Variants in EIF2B3 observed in about 807,000 individuals in gnomAD.
The protein encoded by EIF2B3 is translation initiation factor eIF2B subunit gamma.
A neutral mutation model predicts 54.1 loss-of-function variants in EIF2B3; 20 were observed. The ratio of observed to expected loss-of-function variants is 0.37; its 90% CI spans 0.26 to 0.54. The LOEUF (loss-of-function observed/expected upper bound fraction) is 0.54, where lower values mean the gene tolerates loss of function less well. Ranked by LOEUF, EIF2B3 falls within the 20% of genes least tolerant of loss-of-function variation. EIF2B3 has a pLI of 0.86. For missense variants in EIF2B3, 448 were observed against 547.8 expected, an observed-to-expected ratio of 0.82 and a Z score of 1.82; for synonymous variants, 153 against 188.1, an observed-to-expected ratio of 0.81 and a Z score of 1.52.
At chr1:44,977,890 A>G (rs947052825) in intron 3 of EIF2B3, among the ~76,000 whole-genome samples, 7 of 152,266 alleles carry the variant, frequency 4.6e-5, no homozygotes, top group Non-Finnish European at 1.5e-5. Flanking sequence ...TGAAGAGTAC[A>G]TGGGTAACAA....
At chr1:44,967,388 G>A (rs556982336) in intron 3 of EIF2B3, among the ~76,000 whole-genome samples, 16 of 147,206 alleles carry the variant, frequency 1.1e-4, no homozygotes, top group Admixed American at 6.1e-4. Context: ...CAGAGGTTGC[G>A]AAAAGCCGAG....
intron 3 of EIF2B3, chr1:44,959,295 T>C: frequency 1.5e-6 from 1 of 655,622 alleles, no homozygotes; most frequent in South Asian, 1.5e-5. Flanking sequence ...CCACAGCACC[T>C]GAAACCAGCA....
chr1:44,880,969 A>T lies in EIF2B3; in HGVS notation c.784+643T>A, dbSNP rs75688910. Among the ~76,000 whole-genome samples the T allele has an allele frequency of 4.9e-3, 717 of 144,952 alleles. 2 individuals are homozygous for T. The highest frequency in any genetic ancestry group is 7.6e-3 in the East Asian group (38 of 5,026). On this transcript the variant is annotated intron_variant, in intron 7 of 11. Coordinates refer to ENST00000360403, the MANE Select transcript of EIF2B3 (RefSeq NM_020365.5). ...GAGGGAGACTCCGTCTCAAAAAAAT[A>T]AAAAAAAAAAAAGACACAATGCTAG...
At chr1:44,943,368 C>CTATTTATATCTA (rs200196330) in intron 3 of EIF2B3, among the ~76,000 whole-genome samples, 2 of 144,454 alleles carry the variant, frequency 1.4e-5, no homozygotes, top group Non-Finnish European at 3.0e-5. Context: ...GCAGGAAGAA[C>CTATTTATATCTA]TATCTATATC....
intron 4 of EIF2B3, among the ~76,000 whole-genome samples, chr1:44,935,670 T>G (rs1274462863): frequency 6.6e-6 from 1 of 152,184 alleles, no homozygotes; most frequent in Non-Finnish European, 1.5e-5. Flanking sequence ...CAGCTAATTT[T>G]TTTGTATTTT....
At chr1:44,918,193 C>G (rs186559295) in intron 5 of EIF2B3, among the ~76,000 whole-genome samples, 1 of 151,138 alleles carries the variant, frequency 6.6e-6, no homozygotes, top group African/African-American at 2.4e-5. Flanking sequence ...AAGCGATTCT[C>G]CTGCCTCAGC....
At chr1:44,935,504 C>A (rs901531929) in intron 4 of EIF2B3, among the ~76,000 whole-genome samples, 4 of 151,918 alleles carry the variant, frequency 2.6e-5, no homozygotes, top group African/African-American at 9.7e-5. Context: ...TTTATAAATT[C>A]TTTTTTTATT....
At chr1:44,925,452 T>C (rs2148931574) in intron 5 of EIF2B3, among the ~76,000 whole-genome samples, 1 of 152,312 alleles carries the variant, frequency 6.6e-6, no homozygotes, top group Non-Finnish European at 1.5e-5. Context: ...CAATATTGTA[T>C]GATTTCACTT....
At chr1:44,870,082 G>A (rs1054398238) in intron 10 of EIF2B3, among the ~76,000 whole-genome samples, 1 of 151,758 alleles carries the variant, frequency 6.6e-6, no homozygotes, top group Non-Finnish European at 1.5e-5. Flanking sequence ...TGAGGTGAGC[G>A]GATCACCTAA....
chr1:44,877,764 A>G (rs1026289728), intron 8 of EIF2B3, among the ~76,000 whole-genome samples: 1 of 152,134 alleles, frequency 6.6e-6, no homozygotes, highest in East Asian at 1.9e-4. Context: ...GCGCCTGTCT[A>G]TGATTCTCCA....
intron 10 of EIF2B3, among the ~76,000 whole-genome samples, chr1:44,869,321 C>T (rs910616112): frequency 6.6e-6 from 1 of 151,676 alleles, no homozygotes; most frequent in African/African-American, 2.4e-5. Flanking sequence ...CTACTAAAAA[C>T]ACAAAAACTA....
At chr1:44,889,307 G>A (rs777157147) in intron 6 of EIF2B3, among the ~76,000 whole-genome samples, 20 of 152,244 alleles carry the variant, frequency 1.3e-4, no homozygotes, top group East Asian at 1.9e-4. Flanking sequence ...AGGCTGAAGC[G>A]GGTGGATCAC....
chr1:44,973,471 G>A (rs1331200937), intron 3 of EIF2B3, among the ~76,000 whole-genome samples: 1 of 151,942 alleles, frequency 6.6e-6, no homozygotes, highest in Non-Finnish European at 1.5e-5. Flanking sequence ...GCCAAGGTGG[G>A]CAGATCACTT....
Position 44,958,773 on chromosome 1 carries a change from A to C in EIF2B3, c.295-17108T>G, listed in dbSNP as rs142345360. The stretch of plus-strand genomic sequence containing the variant: ...AGAACTCAATCCATCAGAGAAATAT[A>C]AAGCTATGGTATTGGCAGGACTGCG... On this transcript the variant is annotated intron_variant, in intron 3 of 11. Transcript: ENST00000360403. 7.1e-4 allele frequency: 1,063 copies of C among 1,493,576 alleles called. 9 individuals carry two copies. The African/African-American group carries it at 0.013, about 18-fold the overall frequency. 92.5% of individuals were successfully genotyped at this position (1,493,576 alleles called of 1,614,324 possible). A position where few individuals can be genotyped will look rare whatever the true frequency, so the allele number is the denominator to read the frequency against.
intron 5 of EIF2B3, among the ~76,000 whole-genome samples, chr1:44,900,444 T>TA (rs1643261151): frequency 2.4e-5 from 1 of 41,972 alleles, no homozygotes. Flanking sequence ...GAGAATCATC[T>TA]CAAAAAAAAA....
chr1:44,957,559 G>A (rs1016169075), intron 3 of EIF2B3, among the ~76,000 whole-genome samples: 2 of 151,974 alleles, frequency 1.3e-5, no homozygotes, highest in African/African-American at 4.8e-5. Context: ...TCAGGAGTTC[G>A]AGACCAGCCT....
At chr1:44,868,164 C>T (rs1414345652) in intron 10 of EIF2B3, among the ~76,000 whole-genome samples, 11 of 151,904 alleles carry the variant, frequency 7.2e-5, no homozygotes, top group African/African-American at 2.2e-4. Flanking sequence ...TTTGGGAGGC[C>T]GAGGCGAGCG....
chr1:44,884,905 G>C (rs1259081776), intron 6 of EIF2B3, among the ~76,000 whole-genome samples: 1 of 152,202 alleles, frequency 6.6e-6, no homozygotes, highest in Non-Finnish European at 1.5e-5. Flanking sequence ...AGCCCTGCCA[G>C]GTCCCACCCA....
Position 44,881,863 on chromosome 1 carries a change from G to A in EIF2B3, c.657-124C>T. The A allele has an allele frequency of 3.8e-6, 5 of 1,322,460 alleles. No homozygotes were observed. Among genetic ancestry groups the A allele is most frequent in the Non-Finnish European group, 5.3e-6 (5 of 945,062 alleles). The allele number at this position is 1,322,460 out of a possible 1,614,324, so 81.9% of individuals were successfully genotyped here. Reference sequence around the variant, plus strand: ...GTCATGGCACCTTGGGACTGTCAGAGATCAAATGTGGCATTGACTTGGCAG... The same window carrying A: ...GTCATGGCACCTTGGGACTGTCAGAAATCAAATGTGGCATTGACTTGGCAG... On this transcript the variant is annotated intron_variant, in intron 6 of 11. Coordinates refer to ENST00000360403, the MANE Select transcript of EIF2B3 (RefSeq NM_020365.5). The surrounding 1 kb of genome is among the most constrained non-coding windows in gnomAD (Gnocchi z 4.0).
Sources: allele counts gnomAD v4.1 joint callset (sites outside exome capture counted in the v4.1 genomes callset), GRCh38; gene constraint gnomAD v4.1.1; non-coding constraint Gnocchi (gnomAD v3.1); transcripts MANE v1.5; gene names NCBI Gene and HGNC (gene_info 2026-07-23, HGNC 2026-07-21).